The following TMEM135 variants were observed in gnomAD, a reference collection of about 807,000 sequenced individuals.
The protein encoded by TMEM135 is peroxisomal membrane protein 52.
Under a neutral mutation model 60.3 loss-of-function variants are expected in TMEM135, and 30 were observed. The observed-to-expected ratio is 0.50, with a 90% CI of 0.37 to 0.68. The LOEUF (loss-of-function observed/expected upper bound fraction) is 0.68, where lower values mean the gene tolerates loss of function less well. TMEM135 is among the 30% of genes least tolerant of loss of function. The probability of loss-of-function intolerance (pLI) is 0.00; values close to 1 mark genes in which losing one functional copy is unlikely to be tolerated. For missense variants in TMEM135, 468 were observed against 548.8 expected (o/e 0.85, Z 1.47); for synonymous variants, 190 against 186.7 (o/e 1.02, Z -0.14).
chr11:87,091,715 A>C (rs554046507), intron 4 of TMEM135, among the ~76,000 whole-genome samples: 19 of 152,080 alleles, frequency 1.2e-4, no homozygotes, highest in Non-Finnish European at 2.5e-4. Context: ...TATATATCTA[A>C]TTTCATATTC....
chr11:87,300,421 C>T (rs1942423683), intron 7 of TMEM135, among the ~76,000 whole-genome samples: 1 of 152,134 alleles, frequency 6.6e-6, no homozygotes, highest in Admixed American at 6.5e-5. Context: ...ATATATGTAG[C>T]TTAGTGTTTA....
intron 5 of TMEM135, among the ~76,000 whole-genome samples, chr11:87,169,851 T>C (rs560701505): frequency 2.8e-4 from 42 of 152,290 alleles, no homozygotes; most frequent in African/African-American, 9.6e-4. Flanking sequence ...TTGGCCTGTC[T>C]TGCTAAGTTG....
intron 4 of TMEM135, among the ~76,000 whole-genome samples, chr11:87,139,699 C>G (rs1296345905): frequency 2.0e-5 from 3 of 152,150 alleles, no homozygotes; most frequent in Non-Finnish European, 2.9e-5. Flanking sequence ...TCTCCATATT[C>G]TCACTATCAC....
intron 2 of TMEM135, among the ~76,000 whole-genome samples, chr11:87,069,560 G>A (rs1856736511): frequency 6.6e-6 from 1 of 152,250 alleles, no homozygotes; most frequent in East Asian, 1.9e-4. Context: ...AGAAGTAAAA[G>A]CACATTTGAG....
chr11:87,066,598 C>CAA (rs34204350), intron 1 of TMEM135, among the ~76,000 whole-genome samples: 1 of 121,270 alleles, frequency 8.2e-6, no homozygotes, highest in Admixed American at 8.3e-5. Flanking sequence ...CAGAGTTCAC[C>CAA]AAAAAAAAAA....
intron 11 of TMEM135, 103 bp from the exon 12 acceptor site, chr11:87,314,368 A>C: frequency 1.2e-5 from 11 of 937,890 alleles, no homozygotes; most frequent in East Asian, 5.3e-5. Context: ...TGTTGTAACA[A>C]GAGATAGTGC....
At chr11:87,241,108 A>G (rs1941123257) in intron 6 of TMEM135, among the ~76,000 whole-genome samples, 1 of 152,140 alleles carries the variant, frequency 6.6e-6, no homozygotes. Context: ...TGATTTTATT[A>G]GTCTCAAGGT....
At chr11:87,167,588 C>T (rs1478478961) in intron 5 of TMEM135, among the ~76,000 whole-genome samples, 3 of 152,100 alleles carry the variant, frequency 2.0e-5, no homozygotes, top group Non-Finnish European at 4.4e-5. Flanking sequence ...GCCATTGGTT[C>T]TGTTTATGTG....
chr11:87,234,674 A>G (rs1940957455), intron 5 of TMEM135, among the ~76,000 whole-genome samples: 1 of 152,014 alleles, frequency 6.6e-6, no homozygotes, highest in African/African-American at 2.4e-5. Flanking sequence ...TTCTCAGTTT[A>G]TAGATAAGGG....
chr11:87,243,737 C>T (rs1285824431), intron 6 of TMEM135, among the ~76,000 whole-genome samples: 1 of 89,440 alleles, frequency 1.1e-5, no homozygotes, highest in Non-Finnish European at 2.7e-5. Flanking sequence ...TGCTTATCAG[C>T]TTGAGATTTT....
At chr11:87,046,667 G>A (rs1272776680) in intron 1 of TMEM135, among the ~76,000 whole-genome samples, 1 of 152,198 alleles carries the variant, frequency 6.6e-6, no homozygotes, top group Non-Finnish European at 1.5e-5. Flanking sequence ...AGGTTTATAT[G>A]TCCTAATCCT....
At chr11:87,198,524 C>T (rs1488963482) in intron 5 of TMEM135, among the ~76,000 whole-genome samples, 1 of 130,612 alleles carries the variant, frequency 7.7e-6, no homozygotes, top group Non-Finnish European at 1.6e-5. Context: ...CGCTCTGTTT[C>T]TCCCCCACTC....
At chr11:87,207,688 T>C (rs1940267125) in intron 5 of TMEM135, among the ~76,000 whole-genome samples, 1 of 152,236 alleles carries the variant, frequency 6.6e-6, no homozygotes, top group African/African-American at 2.4e-5. Flanking sequence ...TGTCATTTTC[T>C]ATTGCTATAA....
At chr11:87,175,536 T>C (rs1235609628) in intron 5 of TMEM135, among the ~76,000 whole-genome samples, 2 of 152,202 alleles carry the variant, frequency 1.3e-5, no homozygotes, top group African/African-American at 4.8e-5. Context: ...TTCTTCATAA[T>C]AGTCACTCTG....
At chr11:87,195,449 G>A (rs301577) in intron 5 of TMEM135, among the ~76,000 whole-genome samples, 31,201 of 145,040 alleles carry the variant, frequency 0.22, 3,968 homozygotes, top group East Asian at 0.55. Context: ...TTTTTGAGAC[G>A]GAGTTTTACT....
chr11:87,310,171 A>G (rs1488103267), intron 10 of TMEM135, among the ~76,000 whole-genome samples: 2 of 149,654 alleles, frequency 1.3e-5, no homozygotes, highest in Non-Finnish European at 2.9e-5. Flanking sequence ...CACAGTTCCT[A>G]CTACACTGTC....
intron 5 of TMEM135, among the ~76,000 whole-genome samples, chr11:87,168,709 A>G (rs1330474754): frequency 6.6e-6 from 1 of 152,030 alleles, no homozygotes; most frequent in Non-Finnish European, 1.5e-5. Context: ...TTTGCTGAGG[A>G]GTGTTTTACT....
chr11:87,195,395 C>CCTTCCTTCCTTCCTTCCTTCCT (rs1255779480), intron 5 of TMEM135, among the ~76,000 whole-genome samples: 2 of 122,984 alleles, frequency 1.6e-5, no homozygotes, highest in Non-Finnish European at 3.5e-5. Flanking sequence ...CCTTCCTTCT[C>CCTTCCTTCCTTCCTTCCTTCCT]TCTCTCTCTC....
intron 2 of TMEM135, among the ~76,000 whole-genome samples, chr11:87,069,284 CAAAAAAAAAAAAAAAAAA>C (rs778885228): frequency 3.2e-5 from 2 of 62,550 alleles, no homozygotes; most frequent in African/African-American, 1.2e-4. Flanking sequence ...GACTCCGTCT[CAAAAAAAAAAAAAAAAAA>C]AAAAAAGAAG....
Sources: allele counts gnomAD v4.1 joint callset (sites outside exome capture counted in the v4.1 genomes callset), GRCh38; gene constraint gnomAD v4.1.1; transcripts MANE v1.5; gene names NCBI Gene and HGNC (gene_info 2026-07-23, HGNC 2026-07-21).